The following LYRM4 variants were observed in gnomAD, a reference collection of about 807,000 sequenced individuals.
LYRM4 encodes the protein LYR motif containing 4.
LYRM4 carries 9 observed loss-of-function variants against 11.7 expected under a neutral mutation model. That is an observed-to-expected ratio of 0.77 (90% CI 0.46 to 1.34). The LOEUF (loss-of-function observed/expected upper bound fraction) is 1.34, where lower values mean the gene tolerates loss of function less well. Ranked by LOEUF, LYRM4 falls within the 40% of genes most tolerant of loss-of-function variation. The pLI, the probability that LYRM4 is intolerant of heterozygous loss-of-function variation, is 0.00. For synonymous variants in LYRM4, 42 were observed against 40.4 expected (o/e 1.04, Z -0.15); for missense variants, 133 against 112.5 (o/e 1.18, Z -0.82).
At chr6:5,131,723 A>G (rs1402252587) in intron 2 of LYRM4, among the ~76,000 whole-genome samples, 2 of 152,216 alleles carry the variant, frequency 1.3e-5, no homozygotes, top group Non-Finnish European at 2.9e-5. Context: ...TCTATTCCTC[A>G]GGTTAATTTA....
intron 2 of LYRM4, among the ~76,000 whole-genome samples, chr6:5,182,723 C>T (rs1760150283): frequency 6.6e-6 from 1 of 152,192 alleles, no homozygotes; most frequent in Non-Finnish European, 1.5e-5. Flanking sequence ...ACTGTTTAGA[C>T]ACATCCTTTA....
At position 5,189,568 on chromosome 6, in the gene LYRM4, A is replaced by G. The variant is rs750229315; in HGVS notation, c.207+27050T>C. On this transcript the variant is annotated intron_variant, in intron 2 of 2. Transcript: ENST00000330636. ...CTCTGACATGCATTTCGGGTGACTG[A>G]AATTCCAGCCGCAAGGCACCATGAA... is the stretch of plus-strand genomic sequence containing the variant. Among the ~76,000 whole-genome samples the G allele has an allele frequency of 8.9e-4, 135 of 152,322 alleles. 1 individual carries two copies. Among genetic ancestry groups the G allele is most frequent in the Non-Finnish European group, 1.6e-3 (109 of 68,024 alleles).
At chr6:5,138,608 C>A in intron 2 of LYRM4, 1 of 626,478 alleles carries the variant, frequency 1.6e-6, no homozygotes, top group South Asian at 3.4e-5. Flanking sequence ...GACTAAGTCA[C>A]AAGAAAACCT....
intron 1 of LYRM4, among the ~76,000 whole-genome samples, chr6:5,260,093 C>CT (rs1764929396): frequency 6.6e-6 from 1 of 152,274 alleles, no homozygotes; most frequent in Admixed American, 6.5e-5. Flanking sequence ...AGCTCCAAAG[C>CT]TTGTGAGACC....
the LYRM4 span, among the ~76,000 whole-genome samples, chr6:5,083,802 G>A: frequency 6.6e-6 from 1 of 152,144 alleles, no homozygotes; most frequent in African/African-American, 2.4e-5. Context: ...TTTTAGTTAT[G>A]AAGCCCCAAT....
chr6:5,236,617 TAA>T (rs1442302150), intron 1 of LYRM4, among the ~76,000 whole-genome samples: 4 of 152,028 alleles, frequency 2.6e-5, no homozygotes, highest in African/African-American at 9.7e-5. Flanking sequence ...TTATTTTGTT[TAA>T]AAGAGATGGT....
chr6:5,259,493 A>C (rs138814250), intron 1 of LYRM4, among the ~76,000 whole-genome samples: 2 of 152,374 alleles, frequency 1.3e-5, no homozygotes, highest in African/African-American at 4.8e-5. Context: ...AATTTGCAGC[A>C]TGAGTATATT....
At chr6:5,154,619 A>G (rs1402501652) in intron 2 of LYRM4, among the ~76,000 whole-genome samples, 1 of 152,192 alleles carries the variant, frequency 6.6e-6, no homozygotes, top group African/African-American at 2.4e-5. Flanking sequence ...GATCGAGACC[A>G]TCCTGACGAA....
At position 5,260,883 on chromosome 6, in the gene LYRM4, C is replaced by G; in HGVS notation, c.-150G>C. On this transcript the variant is annotated 5_prime_UTR_variant, in exon 1 of 3. Transcript: ENST00000330636. ...CGGGCCGGGCCTAAGCCTAAGCGGG[C>G]AGCCCTGCGGATCGCGGACGGCGCC... 1 of 1,424,888 alleles carries G rather than the reference C, an allele frequency of 7.0e-7. No individual in the cohort carries two copies. The allele number at this position is 1,424,888 out of a possible 1,614,324, so 88.3% of individuals were successfully genotyped here. A position where few individuals can be genotyped will look rare whatever the true frequency, so the allele number is the denominator to read the frequency against.
chr6:5,184,488 C>G (rs553793706), intron 2 of LYRM4, among the ~76,000 whole-genome samples: 1 of 152,002 alleles, frequency 6.6e-6, no homozygotes, highest in South Asian at 2.1e-4. Context: ...GTGGAGATGC[C>G]GTTAAAACCA....
chr6:5,197,280 A>G (rs992572506), intron 2 of LYRM4, among the ~76,000 whole-genome samples: 64 of 151,914 alleles, frequency 4.2e-4, no homozygotes, highest in African/African-American at 1.5e-3. Flanking sequence ...AGTTGGTTGA[A>G]GGGGGGGGCC....
At chr6:5,231,514 T>G (rs1297374963) in intron 1 of LYRM4, among the ~76,000 whole-genome samples, 1 of 152,232 alleles carries the variant, frequency 6.6e-6, no homozygotes, top group Non-Finnish European at 1.5e-5. Flanking sequence ...CTCTGAATGC[T>G]GTATGTAGAT....
chr6:5,199,886 T>C (rs967546318), intron 2 of LYRM4, among the ~76,000 whole-genome samples: 2 of 152,188 alleles, frequency 1.3e-5, no homozygotes, highest in African/African-American at 4.8e-5. Context: ...CCCAAGGTGC[T>C]ATAAGAGAGT....
intron 2 of LYRM4, among the ~76,000 whole-genome samples, chr6:5,192,167 GT>G (rs781716336): frequency 3.9e-5 from 6 of 152,146 alleles, no homozygotes; most frequent in Non-Finnish European, 5.9e-5. Flanking sequence ...GCAATATAAA[GT>G]TTGTGTTTCC....
the LYRM4 span, among the ~76,000 whole-genome samples, chr6:5,060,748 G>A: frequency 3.9e-5 from 6 of 152,094 alleles, no homozygotes; most frequent in East Asian, 1.9e-4. Flanking sequence ...GGCTGGTCTC[G>A]AACTCCTGAC....
At chr6:5,141,902 A>G (rs1053722030) in intron 2 of LYRM4, among the ~76,000 whole-genome samples, 1 of 152,168 alleles carries the variant, frequency 6.6e-6, no homozygotes, top group African/African-American at 2.4e-5. Flanking sequence ...AGAGGTTAAG[A>G]CCAGGTCAAA....
the LYRM4 span, among the ~76,000 whole-genome samples, chr6:5,044,536 C>T: frequency 1.3e-5 from 2 of 152,228 alleles, no homozygotes; most frequent in Non-Finnish European, 2.9e-5. Flanking sequence ...TTCCAGATCA[C>T]CATGTGCAGC....
At chr6:5,060,207 A>G in the LYRM4 span, among the ~76,000 whole-genome samples, 1 of 152,228 alleles carries the variant, frequency 6.6e-6, no homozygotes, top group South Asian at 2.1e-4. Flanking sequence ...GGTCAAAACT[A>G]TTTCTTTTAA....
At chr6:5,231,172 C>A (rs564838340) in intron 1 of LYRM4, among the ~76,000 whole-genome samples, 1 of 152,068 alleles carries the variant, frequency 6.6e-6, no homozygotes, top group East Asian at 1.9e-4. Context: ...AGCTACTGCA[C>A]TCCGGTCTGG....
Sources: allele counts gnomAD v4.1 joint callset (sites outside exome capture counted in the v4.1 genomes callset), GRCh38; gene constraint gnomAD v4.1.1; transcripts MANE v1.5; gene names NCBI Gene and HGNC (gene_info 2026-07-23, HGNC 2026-07-21).